The following LARGE1 variants were observed in gnomAD, a reference collection of about 807,000 sequenced individuals.
LARGE1 encodes the protein xylosyl- and glucuronyltransferase LARGE1.
LARGE1 carries 43 observed loss-of-function variants against 87.6 expected under a neutral mutation model. That is an observed-to-expected ratio of 0.49 (90% CI 0.38 to 0.63). LARGE1 has a LOEUF of 0.63. Ranked by LOEUF, LARGE1 falls within the 30% of genes least tolerant of loss-of-function variation. The pLI, the probability that LARGE1 is intolerant of heterozygous loss-of-function variation, is 0.00. For synonymous variants in LARGE1, 434 were observed against 394.6 expected, an observed-to-expected ratio of 1.10 and a Z score of -1.18; for missense variants, 802 against 1,000.2, an observed-to-expected ratio of 0.80 and a Z score of 2.67.
chr22:33,380,191 T>C (rs1314112346), intron 9 of LARGE1, among the ~76,000 whole-genome samples: 2 of 152,262 alleles, frequency 1.3e-5, no homozygotes, highest in African/African-American at 4.8e-5. Flanking sequence ...GTTGGTTTTA[T>C]TTCGCCCCCT....
chr22:33,259,954 A>G (rs1229097490), intron 11 of LARGE1, among the ~76,000 whole-genome samples: 1 of 152,188 alleles, frequency 6.6e-6, no homozygotes, highest in East Asian at 1.9e-4. Flanking sequence ...TTCCATATGC[A>G]AATTAACCAA....
intron 6 of LARGE1, among the ~76,000 whole-genome samples, chr22:33,441,256 T>C (rs2067465446): frequency 6.6e-6 from 1 of 151,846 alleles, no homozygotes; most frequent in Non-Finnish European, 1.5e-5. Context: ...GTATTTTTAG[T>C]AGAGACGAGA....
In LARGE1 at chr22:33,508,884, G is replaced by A. The variant is rs147244706; in HGVS notation, c.787+55964C>T. 5.8e-3 allele frequency among the ~76,000 whole-genome samples: 878 copies of A among 152,318 alleles called. 2 individuals carry two copies. The highest frequency in any genetic ancestry group is 8.2e-3 in the Non-Finnish European group (557 of 68,034). ...CAGAGTGAATTCAAATGGTGGGGAT[G>A]TCTTTGAACCACAACTGTTTTCCTC... is the stretch of plus-strand genomic sequence containing the variant. On this transcript the variant is annotated intron_variant, in intron 6 of 14. Coordinates refer to ENST00000397394, the MANE Select transcript of LARGE1 (RefSeq NM_133642.5).
intron 3 of LARGE1, among the ~76,000 whole-genome samples, chr22:33,648,238 CA>C (rs1479346997): frequency 6.6e-6 from 1 of 152,202 alleles, no homozygotes; most frequent in Non-Finnish European, 1.5e-5. Context: ...TCCCAAATTA[CA>C]ATGAGTTATT....
At chr22:33,199,514 C>G (rs1361641394) in intron 11 of LARGE1, among the ~76,000 whole-genome samples, 1 of 152,106 alleles carries the variant, frequency 6.6e-6, no homozygotes, top group Non-Finnish European at 1.5e-5. Flanking sequence ...GTTTTTAATG[C>G]ATCTTGAGTT....
chr22:33,304,488 T>C lies in LARGE1; in HGVS notation c.1471A>G (p.Ile491Val), dbSNP rs1569033826. The C allele has an allele frequency of 6.2e-7, 1 of 1,605,176 alleles. No individual in the cohort carries two copies. The highest frequency in any genetic ancestry group is 1.7e-5 in the Admixed American group (1 of 59,002). The change falls in exon 12 of 15, where the codon ATC becomes GTC. Residue 491 changes from isoleucine (I) to valine (V), a missense_variant. Around this residue, in one of 2 missense-constraint regions of LARGE1, gnomAD observed 625 missense variants for 841.9 expected, o/e 0.74. Coordinates refer to ENST00000397394, the MANE Select transcript of LARGE1 (RefSeq NM_133642.5). ...SMDRLQMLEAICKHWEGPISL... is the reference protein window; with the variant it reads ...SMDRLQMLEAVCKHWEGPISL... Reference sequence around the variant, plus strand: ...ATGGGCCCCTCCCAGTGCTTGCAGATGGCCTCCAGCATCTGGAGCCTGGAA... The same window carrying C: ...ATGGGCCCCTCCCAGTGCTTGCAGACGGCCTCCAGCATCTGGAGCCTGGAA...
chr22:33,349,530 T>C (rs1461042564), intron 9 of LARGE1, among the ~76,000 whole-genome samples: 1 of 152,178 alleles, frequency 6.6e-6, no homozygotes, highest in Non-Finnish European at 1.5e-5. Flanking sequence ...AAGAGCTGTG[T>C]TCTATCCAAC....
the LARGE1 span, among the ~76,000 whole-genome samples, chr22:33,139,025 G>T: frequency 6.6e-6 from 1 of 152,206 alleles, no homozygotes; most frequent in Middle Eastern, 3.4e-3. Context: ...CAAAAAATGG[G>T]AGAGTCCCTG....
the LARGE1 span, among the ~76,000 whole-genome samples, chr22:33,140,088 G>T: frequency 6.6e-6 from 1 of 152,220 alleles, no homozygotes; most frequent in South Asian, 2.1e-4. Flanking sequence ...AGCCTGCTGT[G>T]TCTGGGATAG....
chr22:33,693,637 A>C (rs2082161821), intron 2 of LARGE1, among the ~76,000 whole-genome samples: 1 of 152,134 alleles, frequency 6.6e-6, no homozygotes. Context: ...AGCTTGGCCA[A>C]CATGGTGAAA....
intron 9 of LARGE1, among the ~76,000 whole-genome samples, chr22:33,367,830 T>A (rs2064653422): frequency 6.6e-6 from 1 of 152,316 alleles, no homozygotes; most frequent in Non-Finnish European, 1.5e-5. Context: ...GGATATACAT[T>A]TCCTTACATG....
intron 11 of LARGE1, among the ~76,000 whole-genome samples, chr22:33,177,118 G>A (rs1048488598): frequency 2.0e-5 from 3 of 152,094 alleles, no homozygotes; most frequent in Non-Finnish European, 2.9e-5. Context: ...GAGAACACAC[G>A]GACACAGGGA....
At chr22:33,409,466 A>G (rs1355675589) in intron 7 of LARGE1, among the ~76,000 whole-genome samples, 4 of 152,166 alleles carry the variant, frequency 2.6e-5, no homozygotes, top group Non-Finnish European at 5.9e-5. Flanking sequence ...CCATCAGGGC[A>G]CTTCTGCATC....
chr22:33,722,336 GGAGAGGAGAGGAGGGA>G (rs2083132166), intron 2 of LARGE1, among the ~76,000 whole-genome samples: 1 of 116,696 alleles, frequency 8.6e-6, no homozygotes, highest in Non-Finnish European at 1.9e-5. Context: ...GGAGGGAGAG[GGAGAGGAGAGGAGGGA>G]GAGGGAGAGA....
intron 5 of LARGE1, among the ~76,000 whole-genome samples, chr22:33,586,473 T>G (rs2078677148): frequency 1.5e-5 from 2 of 134,676 alleles, no homozygotes; most frequent in South Asian, 4.7e-4. Flanking sequence ...TTTTTTTTTT[T>G]CAGACGGAGT....
intron 2 of LARGE1, among the ~76,000 whole-genome samples, chr22:33,745,766 G>A (rs745418669): frequency 1.3e-5 from 2 of 152,106 alleles, no homozygotes; most frequent in Non-Finnish European, 2.9e-5. Flanking sequence ...GAAAATGCAT[G>A]GCTTGAAAAG....
chr22:33,552,554 A>G (rs2077561347), intron 6 of LARGE1, among the ~76,000 whole-genome samples: 2 of 152,208 alleles, frequency 1.3e-5, no homozygotes, highest in African/African-American at 4.8e-5. Flanking sequence ...TAAGACCCCC[A>G]AATCCTCTCT....
At chr22:33,812,700 A>G (rs1450734090) in intron 1 of LARGE1, among the ~76,000 whole-genome samples, 2 of 152,200 alleles carry the variant, frequency 1.3e-5, no homozygotes, top group African/African-American at 2.4e-5. Context: ...CTTTGTGTGG[A>G]TATTTCATTC....
intron 5 of LARGE1, among the ~76,000 whole-genome samples, chr22:33,569,445 T>A (rs967848885): frequency 6.6e-6 from 1 of 152,208 alleles, no homozygotes; most frequent in Admixed American, 6.5e-5. Flanking sequence ...CCCAACTTAA[T>A]ACATAATCAA....
Sources: allele counts gnomAD v4.1 joint callset (sites outside exome capture counted in the v4.1 genomes callset), GRCh38; gene constraint gnomAD v4.1.1; regional missense constraint gnomAD v4.1.1; transcripts MANE v1.5; gene names NCBI Gene and HGNC (gene_info 2026-07-23, HGNC 2026-07-21).